The following UBE3A variants were observed in gnomAD, a reference collection of about 807,000 sequenced individuals.
UBE3A encodes the protein ubiquitin protein ligase E3A, also known as ubiquitin-protein ligase E3A.
UBE3A carries 6 observed loss-of-function variants against 83.4 expected under a neutral mutation model. The ratio of observed to expected loss-of-function variants is 0.07; its 90% CI spans 0.04 to 0.14. The LOEUF is 0.14. Among genes scored for constraint, UBE3A ranks in the 10% least tolerant of loss-of-function variants. UBE3A has a pLI of 1.00. For missense variants in UBE3A, 456 were observed against 1,036.1 expected (o/e 0.44, Z 7.69); for synonymous variants, 337 against 355.4 (o/e 0.95, Z 0.58).
chr15:25,375,321 T>A, intron 5 of UBE3A, 144 bp downstream of exon 5: 1 of 917,518 alleles, frequency 1.1e-6, no homozygotes, highest in Non-Finnish European at 1.6e-6. Flanking sequence ...TTATTATTCC[T>A]GTCCGTTACC....
At chr15:25,351,150 T>C (rs2076432541) in intron 11 of UBE3A, among the ~76,000 whole-genome samples, 3 of 152,140 alleles carry the variant, frequency 2.0e-5, no homozygotes, top group African/African-American at 4.8e-5. Flanking sequence ...TAGTAAGTAA[T>C]GGGAAAGAAT....
In UBE3A at chr15:25,371,301, T is replaced by C. The variant is rs1213980033; in HGVS notation, c.873A>G (p.Arg291=). The C allele has an allele frequency of 1.2e-6, 2 of 1,614,192 alleles. No individual in the cohort carries two copies. The highest frequency in any genetic ancestry group is 8.5e-7 in the Non-Finnish European group (1 of 1,180,012). ...LNLFIIVMEN[R]NLHSPEYLEM... ...CCAGATATTCAGGACTGTGGAGATT[T>C]CTATTCTCCATTACGATAATGAACA... The change falls in exon 6 of 13, where the codon AGA becomes AGG. Residue 291 remains arginine (R), a synonymous_variant. Coordinates refer to ENST00000648336, the MANE Select transcript of UBE3A (RefSeq NM_130839.5). The surrounding 1 kb of genome is among the most constrained non-coding windows in gnomAD (Gnocchi z 5.3).
chr15:25,402,050 G>A (rs991816882), intron 4 of UBE3A, among the ~76,000 whole-genome samples: 3 of 152,024 alleles, frequency 2.0e-5, no homozygotes, highest in Admixed American at 1.3e-4. Context: ...ATTTCTTTAT[G>A]GTTGGTTCAG....
Position 25,415,066 on chromosome 15 carries a change from G to A in UBE3A, c.-164-3095C>T, listed in dbSNP as rs573465748. 2.6e-5 allele frequency among the ~76,000 whole-genome samples: 4 copies of A among 152,230 alleles called. No homozygotes were observed. In the East Asian group the frequency reaches 5.8e-4, roughly 22 times the overall value. On this transcript the variant is annotated intron_variant, in intron 1 of 12. Coordinates refer to ENST00000648336, the MANE Select transcript of UBE3A (RefSeq NM_130839.5). ...TAATTTGTCTGATTCTAAAGACCACGCTTATTCCCTTGTACTTGCCTTCTA... is the reference window on the plus strand; with the variant it reads ...TAATTTGTCTGATTCTAAAGACCACACTTATTCCCTTGTACTTGCCTTCTA...
intron 11 of UBE3A, among the ~76,000 whole-genome samples, chr15:25,343,562 AAAAC>A (rs2075215341): frequency 6.6e-6 from 1 of 152,198 alleles, no homozygotes; most frequent in Middle Eastern, 3.2e-3. Context: ...AGAAAATTAA[AAAAC>A]AAAGAAAATG....
rs1332399932 is a variant in UBE3A, at chr15:25,380,238, TTC to T, written c.63-4477_63-4476del. On this transcript the variant is annotated intron_variant, in intron 4 of 12. Coordinates refer to ENST00000648336, the MANE Select transcript of UBE3A (RefSeq NM_130839.5). ...TGTGGAAGTGTAAGTCCAATTAAAC[TTC>T]TTTTTTTTTTCCCAGTCTCAGGTAC... Among the ~76,000 whole-genome samples, 5 of 151,508 alleles carry T rather than the reference TTC, an allele frequency of 3.3e-5. No homozygotes were observed. In the Admixed American group the frequency reaches 3.4e-4, roughly 10 times the overall value.
rs144567527 is a variant in UBE3A at position 25,354,530 on chromosome 15, G to A, written c.2278C>T (p.Arg760Trp). 2.5e-6 allele frequency: 4 copies of A among 1,613,730 alleles called. No homozygotes were observed. In the South Asian group the frequency reaches 3.3e-5, roughly 13 times the overall value. The change falls in exon 10 of 13, where the codon CGG becomes TGG. Residue 760 changes from arginine to tryptophan, a missense_variant and splice_region_variant. By Grantham distance (101) the Arg-to-Trp change is moderately radical (BLOSUM62 -3). Around this residue, in one of 13 missense-constraint regions of UBE3A, gnomAD observed 82 missense variants for 199.3 expected, o/e 0.41. Coordinates refer to ENST00000648336, the MANE Select transcript of UBE3A (RefSeq NM_130839.5). ...TTTGCAGACACCTGCTTTCTTACCC[G>A]GCTTCCACATATAAGCAATTCAATT... ...EEIELLICGS[R>W]NLDFQALEET... is the part of the protein sequence containing the mutation.
chr15:25,408,338 A>G (rs1455666079), intron 3 of UBE3A: 11 of 477,306 alleles, frequency 2.3e-5, no homozygotes, highest in Non-Finnish European at 3.7e-5. Flanking sequence ...AGAATCCTGT[A>G]TGTGCTTGTA....
At chr15:25,391,606 G>A (rs7175559) in intron 4 of UBE3A, 146,622 of 152,278 alleles carry the variant, frequency 0.96, 70,826 homozygotes, top group East Asian at 1. Flanking sequence ...AGAAAAAAGT[G>A]CATGTGAAAT....
At chr15:25,367,218 T>TTAAATTA (rs2079351101) in intron 6 of UBE3A, among the ~76,000 whole-genome samples, 1 of 73,942 alleles carries the variant, frequency 1.4e-5, no homozygotes, top group Admixed American at 1.1e-4. Context: ...AATATGTAAA[T>TTAAATTA]ATTTACATAT....
chr15:25,363,817 T>C (rs1373702136), intron 6 of UBE3A, among the ~76,000 whole-genome samples: 1 of 152,086 alleles, frequency 6.6e-6, no homozygotes, highest in Non-Finnish European at 1.5e-5. Context: ...GTAACTGAAT[T>C]CTGTAGGCAA....
intron 2 of UBE3A, among the ~76,000 whole-genome samples, chr15:25,409,699 TAA>T (rs2089515736): frequency 1.3e-5 from 2 of 152,128 alleles, no homozygotes. Flanking sequence ...TAAGTATATG[TAA>T]ATGAGTAAAG....
At chr15:25,339,812 C>A in intron 12 of UBE3A, 1 of 465,702 alleles carries the variant, frequency 2.1e-6, no homozygotes, top group Non-Finnish European at 3.9e-6. Context: ...ATATGGCTTT[C>A]AATTAACAAG....
At chr15:25,415,517 C>T (rs188386167) in intron 1 of UBE3A, among the ~76,000 whole-genome samples, 2 of 152,196 alleles carry the variant, frequency 1.3e-5, no homozygotes, top group Admixed American at 6.6e-5. Context: ...GGAAATGGTC[C>T]TCTATCCATT....
intron 11 of UBE3A, among the ~76,000 whole-genome samples, chr15:25,341,657 G>A (rs983614184): frequency 6.6e-6 from 1 of 150,856 alleles, no homozygotes; most frequent in Non-Finnish European, 1.5e-5. Flanking sequence ...CAGCTACTTG[G>A]GAGGCCAAGG....
intron 4 of UBE3A, among the ~76,000 whole-genome samples, chr15:25,401,993 C>T (rs1051603870): frequency 6.6e-6 from 1 of 152,082 alleles, no homozygotes; most frequent in Admixed American, 6.5e-5. Flanking sequence ...ATTGAGCTTC[C>T]TTAAACAATT....
chr15:25,389,296 C>G (rs1403477611), intron 4 of UBE3A, among the ~76,000 whole-genome samples: 2 of 150,236 alleles, frequency 1.3e-5, no homozygotes, highest in Admixed American at 6.6e-5. Flanking sequence ...GGTCTTACAC[C>G]CTTCACAAAA....
At chr15:25,412,162 C>T (rs531241837) in intron 1 of UBE3A, among the ~76,000 whole-genome samples, 191 bp from the exon 2 acceptor site, 1 of 152,318 alleles carries the variant, frequency 6.6e-6, no homozygotes, top group South Asian at 2.1e-4. Flanking sequence ...GCCCTGTGGC[C>T]TGAGTGCTTT....
chr15:25,367,132 A>C (rs2079244487), intron 6 of UBE3A, among the ~76,000 whole-genome samples: 1 of 150,830 alleles, frequency 6.6e-6, no homozygotes, highest in East Asian at 1.9e-4. Flanking sequence ...AAAATGAGAA[A>C]TTATCTACTT....
Sources: allele counts gnomAD v4.1 joint callset (sites outside exome capture counted in the v4.1 genomes callset), GRCh38; gene constraint gnomAD v4.1.1; regional missense constraint gnomAD v4.1.1; non-coding constraint Gnocchi (gnomAD v3.1); transcripts MANE v1.5; gene names NCBI Gene and HGNC (gene_info 2026-07-23, HGNC 2026-07-21).